WDFY4: variants seen among roughly 807,000 people sequenced by gnomAD.
WDFY4 encodes the protein WDFY family member 4.
WDFY4 carries 169 observed loss-of-function variants against 351.9 expected under a neutral mutation model. The observed-to-expected ratio is 0.48, with a 90% confidence interval of 0.42 to 0.55. The LOEUF (loss-of-function observed/expected upper bound fraction) is 0.55, where lower values mean the gene tolerates loss of function less well. Among genes scored for constraint, WDFY4 ranks in the 20% least tolerant of loss-of-function variants. The probability of loss-of-function intolerance (pLI) is 0.00; values close to 1 mark genes in which losing one functional copy is unlikely to be tolerated. For synonymous variants in WDFY4, 1,622 were observed against 1,574.6 expected (o/e 1.03, Z -0.71); for missense variants, 3,803 against 3,935.6 (o/e 0.97, Z 0.90).
rs772360252 is a variant in WDFY4 at position 48,810,713 on chromosome 10, T to G, written c.5022T>G (p.Thr1674=). The G allele has an allele frequency of 1.3e-5, 20 of 1,545,516 alleles. No homozygotes were observed. Among genetic ancestry groups the G allele is most frequent in the Middle Eastern group, 1.7e-4 (1 of 5,966 alleles). Reference sequence around the variant, plus strand: ...CAGGATCCTGGGTGGAACGCAGCACTGAGGGCGTGGATATTGTAATGGGTG... The same window carrying G: ...CAGGATCCTGGGTGGAACGCAGCACGGAGGGCGTGGATATTGTAATGGGTG... ...LCAGSWVERS[T]EGVDIVMDNL... is the part of the protein sequence containing the mutation. The change falls in exon 29 of 62, where the codon ACT becomes ACG. Residue 1674 remains threonine (T), a synonymous_variant. Transcript: ENST00000325239.
intron 2 of WDFY4, 60 bp downstream of exon 2, chr10:48,710,026 G>A: frequency 1.4e-6 from 2 of 1,416,770 alleles, no homozygotes; most frequent in Non-Finnish European, 1.9e-6. Context: ...CTTCTGGGAT[G>A]ATTGCATAGT....
intron 31 of WDFY4, among the ~76,000 whole-genome samples, chr10:48,814,703 A>C (rs1363625871): frequency 6.6e-6 from 1 of 152,230 alleles, no homozygotes; most frequent in Non-Finnish European, 1.5e-5. Context: ...GCCTGATTGT[A>C]TGGGGAAACT....
intron 1 of WDFY4, among the ~76,000 whole-genome samples, chr10:48,686,076 G>A (rs925786234): frequency 9.9e-5 from 15 of 152,210 alleles, no homozygotes; most frequent in African/African-American, 3.6e-4. Flanking sequence ...CTGGGGTTCT[G>A]GCCAGAGAGG....
chr10:48,911,916 G>A (rs1334402934), intron 47 of WDFY4, among the ~76,000 whole-genome samples: 1 of 152,204 alleles, frequency 6.6e-6, no homozygotes, highest in Admixed American at 6.5e-5. Flanking sequence ...GCAGCAAGGG[G>A]TGAAGAAATG....
chr10:48,820,985 A>G lies in WDFY4; in HGVS notation c.5710-77A>G, dbSNP rs1332042590. The G allele has an allele frequency of 8.9e-6, 9 of 1,006,010 alleles. No individual in the cohort carries two copies. The Admixed American group carries it at 1.8e-4, about 20-fold the overall frequency. 62.3% of individuals were successfully genotyped at this position (1,006,010 alleles called of 1,614,324 possible). A position where few individuals can be genotyped will look rare whatever the true frequency, so the allele number is the denominator to read the frequency against. ...CAGATGCGGCATAAGTGTCCCAGCC[A>G]GGCTAGGGAGGCGGTGGGCACTGGG... On this transcript the variant is annotated intron_variant, in intron 33 of 61. Coordinates refer to ENST00000325239, the MANE Select transcript of WDFY4 (RefSeq NM_001394531.1).
chr10:48,843,417 A>G (rs1045860751), intron 39 of WDFY4, among the ~76,000 whole-genome samples: 3 of 152,252 alleles, frequency 2.0e-5, no homozygotes, highest in Non-Finnish European at 2.9e-5. Flanking sequence ...TACATGGAGT[A>G]TTGAGTAGGC....
rs1013135755 is a variant in WDFY4, at chr10:48,970,307, C to T, written c.8928+18C>T. On this transcript the variant is annotated intron_variant, in intron 57 of 61. Transcript: ENST00000325239. ...TCCGGCAGGTATGGTCCAGCTCGTG[C>T]AGGTGCGGTCCTCAGGTGGGGACAG... is the stretch of plus-strand genomic sequence containing the variant. 2 of 1,547,642 alleles carry T rather than the reference C, an allele frequency of 1.3e-6. No homozygotes were observed. Among genetic ancestry groups the T allele is most frequent in the African/African-American group, 2.7e-5 (2 of 73,162 alleles).
chr10:48,723,681 T>G, intron 5 of WDFY4, 114 bp downstream of exon 5: 1 of 1,421,194 alleles, frequency 7.0e-7, no homozygotes, highest in East Asian at 2.5e-5. Context: ...CCTGAACTCC[T>G]CTGTTCTCCC....
At chr10:48,845,382 G>A (rs1163859697) in intron 39 of WDFY4, among the ~76,000 whole-genome samples, 1 of 152,160 alleles carries the variant, frequency 6.6e-6, no homozygotes, top group Non-Finnish European at 1.5e-5. Flanking sequence ...TTAAGGCCAG[G>A]GAATACTGAT....
chr10:48,969,259 T>C lies in WDFY4; in HGVS notation c.8769+11T>C. On this transcript the variant is annotated intron_variant, in intron 56 of 61. Coordinates refer to ENST00000325239, the MANE Select transcript of WDFY4 (RefSeq NM_001394531.1). ...TACGGCTCCGACAAGGTGAGGGGGC[T>C]GCAGGGAGCAGGGGCAGCCTCAGGA... 6.4e-7 allele frequency: 1 copy of C among 1,550,790 alleles called. No homozygotes were observed. Among genetic ancestry groups the C allele is most frequent in the Middle Eastern group, 1.7e-4 (1 of 5,818 alleles).
At chr10:48,891,366 G>A (rs376146209) in intron 44 of WDFY4, among the ~76,000 whole-genome samples, 7 of 152,328 alleles carry the variant, frequency 4.6e-5, no homozygotes, top group East Asian at 1.9e-4. Flanking sequence ...AGTGCAGTTG[G>A]TCTATTTGGG....
At position 48,957,315 on chromosome 10, in the gene WDFY4, GC is replaced by G. The variant is rs1371663818; in HGVS notation, c.8131+34del. On this transcript the variant is annotated intron_variant, in intron 52 of 61. Coordinates refer to ENST00000325239, the MANE Select transcript of WDFY4 (RefSeq NM_001394531.1). ...GAGGCCTGGTGAGGCCGGGTGAGTG[GC>G]GTTGCAGGGTGCTCTTTCCCACAGC... 7.1e-6 allele frequency: 11 copies of G among 1,539,914 alleles called. No individual in the cohort carries two copies. In the African/African-American group the frequency reaches 1.2e-4, roughly 17 times the overall value.
At chr10:48,721,944 G>A (rs1393742007) in intron 4 of WDFY4, among the ~76,000 whole-genome samples, 3 of 152,148 alleles carry the variant, frequency 2.0e-5, no homozygotes, top group African/African-American at 7.2e-5. Context: ...CAGAGATGAG[G>A]GCTCTCCTCT....
At chr10:48,938,436 C>A (rs1840537055) in intron 47 of WDFY4, among the ~76,000 whole-genome samples, 1 of 152,252 alleles carries the variant, frequency 6.6e-6, no homozygotes, top group Admixed American at 6.5e-5. Flanking sequence ...GGTCTGGGGT[C>A]TAACCCACCA....
At chr10:48,925,810 C>T (rs1839521398) in intron 47 of WDFY4, among the ~76,000 whole-genome samples, 1 of 152,182 alleles carries the variant, frequency 6.6e-6, no homozygotes, top group Non-Finnish European at 1.5e-5. Flanking sequence ...CTGCCAATGT[C>T]AAGAGCTCCT....
intron 12 of WDFY4, among the ~76,000 whole-genome samples, chr10:48,751,965 C>A (rs1271525017): frequency 6.6e-6 from 1 of 152,164 alleles, no homozygotes; most frequent in Non-Finnish European, 1.5e-5. Flanking sequence ...GCCAAGCACG[C>A]CTCACACCAC....
chr10:48,982,473 C>A (rs1842851870), intron 61 of WDFY4, 36 bp from the exon 62 acceptor site: 2 of 1,471,494 alleles, frequency 1.4e-6, no homozygotes, highest in Non-Finnish European at 1.8e-6. Flanking sequence ...TGGTACTGTC[C>A]CTCTAACGTT....
intron 13 of WDFY4, among the ~76,000 whole-genome samples, chr10:48,765,227 T>C (rs780405555): frequency 1.3e-4 from 20 of 152,364 alleles, no homozygotes; most frequent in Non-Finnish European, 1.9e-4. Context: ...TCACTGTCAA[T>C]GTCATCATTG....
chr10:48,897,032 G>A (rs1346690301), intron 44 of WDFY4, among the ~76,000 whole-genome samples: 4 of 152,122 alleles, frequency 2.6e-5, no homozygotes, highest in East Asian at 3.9e-4. Context: ...GAACCCACGA[G>A]GGCTCCTGGG....
Sources: allele counts gnomAD v4.1 joint callset (sites outside exome capture counted in the v4.1 genomes callset), GRCh38; gene constraint gnomAD v4.1.1; transcripts MANE v1.5; gene names NCBI Gene and HGNC (gene_info 2026-07-23, HGNC 2026-07-21).